Variants in MCC observed in about 807,000 individuals in gnomAD.
MCC encodes colorectal mutant cancer protein.
Under a neutral mutation model 116.2 loss-of-function variants are expected in MCC, and 90 were observed. The ratio of observed to expected loss-of-function variants is 0.77; its 90% CI spans 0.65 to 0.92. The LOEUF (loss-of-function observed/expected upper bound fraction) is 0.92, where lower values mean the gene tolerates loss of function less well. Ranked by LOEUF, MCC falls within the 40% of genes least tolerant of loss-of-function variation. The pLI is 0.00. For synonymous variants in MCC, 578 were observed against 510.5 expected (o/e 1.13, Z -1.78); for missense variants, 1,516 against 1,312.2 (o/e 1.16, Z -2.40).
chr5:113,153,189 G>A (rs1165792727), intron 3 of MCC, among the ~76,000 whole-genome samples: 4 of 152,186 alleles, frequency 2.6e-5, no homozygotes, highest in African/African-American at 4.8e-5. Context: ...ATACGTGAGA[G>A]CTGACATGTT....
intron 16 of MCC, chr5:113,044,650 C>T (rs1751950948): frequency 6.0e-6 from 1 of 166,676 alleles, no homozygotes; most frequent in African/African-American, 2.4e-5. Flanking sequence ...TCTTGGCTCA[C>T]TACAACTTCT....
chr5:113,402,218 C>T (rs1218813344), intron 1 of MCC, among the ~76,000 whole-genome samples: 3 of 144,152 alleles, frequency 2.1e-5, no homozygotes, highest in South Asian at 2.2e-4. Context: ...GGCGTGAACC[C>T]GGGAGGCGGA....
At chr5:113,441,180 C>A (rs375663283) in intron 1 of MCC, among the ~76,000 whole-genome samples, 2 of 152,030 alleles carry the variant, frequency 1.3e-5, no homozygotes, top group Non-Finnish European at 1.5e-5. Context: ...ACTAAAAATA[C>A]AAAAATTAGC....
chr5:113,127,096 C>T (rs1269257472), intron 5 of MCC, among the ~76,000 whole-genome samples: 1 of 152,216 alleles, frequency 6.6e-6, no homozygotes, highest in Non-Finnish European at 1.5e-5. Context: ...TTAGCTCCCA[C>T]ACACAGTATT....
At chr5:113,459,135 G>A (rs181757040) in intron 1 of MCC, among the ~76,000 whole-genome samples, 96 of 93,690 alleles carry the variant, frequency 1.0e-3, no homozygotes, top group Non-Finnish European at 1.1e-3. Context: ...GTAAGGATAT[G>A]TGTGTGTGTG....
chr5:113,119,788 C>T (rs1239684879), intron 6 of MCC, among the ~76,000 whole-genome samples: 1 of 152,110 alleles, frequency 6.6e-6, no homozygotes, highest in Non-Finnish European at 1.5e-5. Flanking sequence ...ACTCAGTCTT[C>T]TCAGGAAAGA....
At chr5:113,374,801 G>C (rs1306607263) in intron 2 of MCC, among the ~76,000 whole-genome samples, 3 of 151,764 alleles carry the variant, frequency 2.0e-5, no homozygotes, top group African/African-American at 7.3e-5. Flanking sequence ...GACTAGCCTG[G>C]GCAACATGGT....
rs558896671 is a variant in MCC, at chr5:113,303,578, T to C, written c.627+36941A>G. Among the ~76,000 whole-genome samples the C allele has an allele frequency of 5.3e-5, 8 of 152,324 alleles. No homozygotes were observed. The East Asian group carries it at 1.3e-3, about 26-fold the overall frequency. On this transcript the variant is annotated intron_variant, in intron 3 of 18. Transcript: ENST00000408903. The stretch of plus-strand genomic sequence containing the variant: ...TTACTAGGGACCTTGAGAGAATCAA[T>C]GTCATTAAGTGGTGGTGATAGAAAT...
rs560310406 is a variant in MCC at position 113,155,468 on chromosome 5, T to A, written c.628-4046A>T. 2.0e-5 allele frequency among the ~76,000 whole-genome samples: 3 copies of A among 152,328 alleles called. No homozygotes were observed. In the South Asian group the frequency reaches 6.2e-4, roughly 32 times the overall value. On this transcript the variant is annotated intron_variant, in intron 3 of 18. Transcript: ENST00000408903. Reference sequence around the variant, plus strand: ...TTTTTTAGGAACCTCCACACTGTTTTCCATAATGGTTGTCCTAATTTACAT... The same window carrying A: ...TTTTTTAGGAACCTCCACACTGTTTACCATAATGGTTGTCCTAATTTACAT...
chr5:113,438,229 A>C (rs1029440716), intron 1 of MCC, among the ~76,000 whole-genome samples: 3 of 152,252 alleles, frequency 2.0e-5, no homozygotes, highest in East Asian at 3.9e-4. Flanking sequence ...GAAATTGTTA[A>C]GGTCCTATAG....
intron 3 of MCC, among the ~76,000 whole-genome samples, chr5:113,257,765 C>T (rs1004087950): frequency 6.6e-6 from 1 of 152,092 alleles, no homozygotes; most frequent in African/African-American, 2.4e-5. Flanking sequence ...CATTTAAAGG[C>T]TGTTGGGAAA....
At chr5:113,309,713 A>G (rs967130458) in intron 3 of MCC, among the ~76,000 whole-genome samples, 5 of 152,202 alleles carry the variant, frequency 3.3e-5, no homozygotes, top group African/African-American at 1.2e-4. Flanking sequence ...TCTTATTTAT[A>G]TAATGACTTC....
chr5:113,232,981 A>G (rs1300837099), intron 3 of MCC, among the ~76,000 whole-genome samples: 1 of 152,150 alleles, frequency 6.6e-6, no homozygotes, highest in African/African-American at 2.4e-5. Context: ...GCAGGCAGTT[A>G]TTTTCAAAGA....
intron 2 of MCC, among the ~76,000 whole-genome samples, chr5:113,381,353 C>G (rs1012945207): frequency 4.6e-5 from 7 of 152,102 alleles, no homozygotes; most frequent in African/African-American, 1.7e-4. Context: ...ATCAAAAGTT[C>G]TTTTTCACTG....
At chr5:113,257,675 T>A (rs1765070727) in intron 3 of MCC, among the ~76,000 whole-genome samples, 1 of 152,076 alleles carries the variant, frequency 6.6e-6, no homozygotes, top group Admixed American at 6.5e-5. Context: ...AAGCAGTAGC[T>A]AGGGCCGCGA....
rs1770788872 is a variant in MCC, at chr5:113,434,599, T to C, written c.171-49387A>G. On this transcript the variant is annotated intron_variant, in intron 1 of 18. Coordinates refer to ENST00000408903, the MANE Select transcript of MCC (RefSeq NM_001085377.2). This position sits in a 1 kb window ranked among gnomAD's most constrained non-coding sequence, Gnocchi z 4.2. ...ACGATGTAGACCTTGCCATGTGATGTCTCAAAGATCTCGTAGGTCTTAATG... is the reference window on the plus strand; with the variant it reads ...ACGATGTAGACCTTGCCATGTGATGCCTCAAAGATCTCGTAGGTCTTAATG... The C allele has an allele frequency of 6.2e-7, 1 of 1,613,854 alleles. No homozygotes were observed. Among genetic ancestry groups the C allele is most frequent in the Non-Finnish European group, 8.5e-7 (1 of 1,179,862 alleles).
intron 8 of MCC, among the ~76,000 whole-genome samples, chr5:113,096,005 C>T (rs889719004): frequency 2.0e-5 from 3 of 152,120 alleles, no homozygotes; most frequent in Admixed American, 6.5e-5. Context: ...GCCTTGGGAG[C>T]CCCGGGGTGC....
intron 11 of MCC, among the ~76,000 whole-genome samples, chr5:113,073,774 C>T (rs1754215151): frequency 6.6e-6 from 1 of 152,154 alleles, no homozygotes; most frequent in Admixed American, 6.5e-5. Flanking sequence ...CGGAGCTTCG[C>T]TCACTGCTAG....
chr5:113,422,375 A>ATT, intron 1 of MCC, among the ~76,000 whole-genome samples: 1 of 152,310 alleles, frequency 6.6e-6, no homozygotes, highest in Non-Finnish European at 1.5e-5. Context: ...AGCATTTATT[A>ATT]TATTTGTTGT....
Sources: gnomAD v4.1 joint callset for allele counts (sites outside exome capture counted in the v4.1 genomes callset) on GRCh38, gnomAD v4.1.1 for gene constraint, Gnocchi (gnomAD v3.1) non-coding constraint, MANE v1.5 for transcripts, NCBI Gene and HGNC (gene_info 2026-07-23, HGNC 2026-07-21) for gene names.